Variants in PTPRD observed in about 807,000 individuals in gnomAD.
The protein encoded by PTPRD is receptor-type tyrosine-protein phosphatase delta.
In PTPRD, 34 loss-of-function variants were observed where a neutral mutation model predicts 214.5. The observed-to-expected ratio is 0.16, with a 90% CI of 0.12 to 0.21. The LOEUF (loss-of-function observed/expected upper bound fraction) is 0.21. Among genes scored for constraint, PTPRD ranks in the 10% least tolerant of loss-of-function variants. PTPRD has a pLI of 1.00. For missense variants in PTPRD, 2,545 were observed against 2,398.7 expected, an observed-to-expected ratio of 1.06 and a Z score of -1.27; for synonymous variants, 1,128 against 845.7, an observed-to-expected ratio of 1.33 and a Z score of -5.79.
chr9:10,201,213 G>C (rs886516385), intron 3 of PTPRD, among the ~76,000 whole-genome samples: 11 of 152,002 alleles, frequency 7.2e-5, no homozygotes, highest in Admixed American at 4.6e-4. Flanking sequence ...GGAACATTTT[G>C]AATGAACATA....
chr9:10,390,605 G>C (rs1013729219), intron 2 of PTPRD, among the ~76,000 whole-genome samples: 4 of 151,752 alleles, frequency 2.6e-5, no homozygotes, highest in Non-Finnish European at 4.4e-5. Context: ...AAATCTGGAA[G>C]AATGATAATG....
Position 9,768,208 on chromosome 9 carries a change from T to C in PTPRD, c.-367-1357A>G, listed in dbSNP as rs532707343. On this transcript the variant is annotated intron_variant, in intron 5 of 45. Transcript: ENST00000381196. ...CCTTGGATAGCTAATCAGCCAACGC[T>C]GTAGACTACTTACATACCCTCTCTG... Among the ~76,000 whole-genome samples the C allele has an allele frequency of 4.7e-4, 72 of 152,294 alleles. 1 individual carries two copies. In the South Asian group the frequency reaches 8.1e-3, roughly 17 times the overall value.
Position 10,554,805 on chromosome 9 carries a change from C to T in PTPRD, c.-600+57593G>A, listed in dbSNP as rs577633027. 2.6e-5 allele frequency among the ~76,000 whole-genome samples: 4 copies of T among 152,176 alleles called. No homozygotes were observed. In the South Asian group the frequency reaches 6.2e-4, roughly 24 times the overall value. The stretch of plus-strand genomic sequence containing the variant: ...CCTCCCGAGTAGCTGGGACTACAGG[C>T]GCCCGCCACCACGCCCGGCTAATTT... On this transcript the variant is annotated intron_variant, in intron 2 of 45. Transcript: ENST00000381196.
chr9:9,525,361 G>A (rs1471961090), intron 8 of PTPRD, among the ~76,000 whole-genome samples: 1 of 151,906 alleles, frequency 6.6e-6, no homozygotes, highest in African/African-American at 2.4e-5. Flanking sequence ...GATGATTAAC[G>A]CTTATTGTAT....
In PTPRD at chr9:8,752,816, C is replaced by T. The variant is rs544096385; in HGVS notation, c.-103-18870G>A. 4.6e-5 allele frequency among the ~76,000 whole-genome samples: 7 copies of T among 152,222 alleles called. No individual in the cohort carries two copies. The South Asian group carries it at 6.2e-4, about 14-fold the overall frequency. Reference sequence around the variant, plus strand: ...TAAGCTGGGCCACCAACAGCAGAACCACCAAGTTGAGCCCAGCTCAAACTG... The same window carrying T: ...TAAGCTGGGCCACCAACAGCAGAACTACCAAGTTGAGCCCAGCTCAAACTG... On this transcript the variant is annotated intron_variant, in intron 11 of 45. Coordinates refer to ENST00000381196, the MANE Select transcript of PTPRD (RefSeq NM_002839.4).
chr9:8,538,789 T>C (rs1293328635), intron 14 of PTPRD, among the ~76,000 whole-genome samples: 4 of 151,920 alleles, frequency 2.6e-5, no homozygotes, highest in Admixed American at 6.6e-5. Context: ...GGAGCAGTAA[T>C]ACCCAGTAGC....
chr9:9,940,527 C>T (rs564295452), intron 4 of PTPRD, among the ~76,000 whole-genome samples: 7 of 152,262 alleles, frequency 4.6e-5, no homozygotes, highest in Admixed American at 4.6e-4. Flanking sequence ...ATGTATAATT[C>T]TAGACCGATA....
At chr9:8,391,371 G>A (rs191092087) in intron 36 of PTPRD, among the ~76,000 whole-genome samples, 2 of 152,110 alleles carry the variant, frequency 1.3e-5, no homozygotes, top group Non-Finnish European at 2.9e-5. Flanking sequence ...TGAAATGCAT[G>A]GTTGGCTGTA....
chr9:9,437,427 AG>A (rs1164170714), intron 8 of PTPRD, among the ~76,000 whole-genome samples: 14 of 110,572 alleles, frequency 1.3e-4, no homozygotes, highest in African/African-American at 5.2e-4. Flanking sequence ...GCCCCCTGAG[AG>A]TAATGAGGTG....
At chr9:10,165,121 A>G (rs1016828941) in intron 3 of PTPRD, among the ~76,000 whole-genome samples, 1 of 151,780 alleles carries the variant, frequency 6.6e-6, no homozygotes, top group African/African-American at 2.4e-5. Context: ...AGCACAGTTC[A>G]GCAATCTCGA....
In PTPRD at chr9:10,380,329, A is replaced by G. The variant is rs1425338305; in HGVS notation, c.-599-39312T>C. On this transcript the variant is annotated intron_variant, in intron 2 of 45. Coordinates refer to ENST00000381196, the MANE Select transcript of PTPRD (RefSeq NM_002839.4). ...AATCAATGACCCATGAGAGCAAACC[A>G]TGTACAATGCATTATGGGTCAATAC... Among the ~76,000 whole-genome samples the G allele has an allele frequency of 2.0e-5, 3 of 152,218 alleles. No individual in the cohort carries two copies. The East Asian group carries it at 5.8e-4, about 30-fold the overall frequency.
At chr9:10,235,598 A>T (rs1314858203) in intron 3 of PTPRD, among the ~76,000 whole-genome samples, 1 of 151,986 alleles carries the variant, frequency 6.6e-6, no homozygotes, top group Non-Finnish European at 1.5e-5. Flanking sequence ...GCACAAAAGA[A>T]AACTGCCAAA....
At chr9:9,040,395 T>C (rs2099635937) in intron 10 of PTPRD, among the ~76,000 whole-genome samples, 1 of 152,214 alleles carries the variant, frequency 6.6e-6, no homozygotes, top group Non-Finnish European at 1.5e-5. Context: ...TGTTGTTCTT[T>C]AGTAAACATG....
chr9:9,055,342 T>C (rs980561464), intron 10 of PTPRD, among the ~76,000 whole-genome samples: 2 of 152,178 alleles, frequency 1.3e-5, no homozygotes, highest in Non-Finnish European at 2.9e-5. Flanking sequence ...AATGAATATG[T>C]TAATTAGTTA....
Position 8,812,928 on chromosome 9 carries a change from T to G in PTPRD, c.-103-78982A>C, listed in dbSNP as rs192759580. ...ATCTAATCTCTCCTGATGGAGTGACTAGCCCAGTAGATCAAGGGAAGAAGC... is the reference window on the plus strand; with the variant it reads ...ATCTAATCTCTCCTGATGGAGTGACGAGCCCAGTAGATCAAGGGAAGAAGC... On this transcript the variant is annotated intron_variant, in intron 11 of 45. Coordinates refer to ENST00000381196, the MANE Select transcript of PTPRD (RefSeq NM_002839.4). 7.0e-4 allele frequency among the ~76,000 whole-genome samples: 106 copies of G among 152,104 alleles called. No individual in the cohort carries two copies. In the East Asian group the frequency reaches 0.017, roughly 24 times the overall value.
intron 10 of PTPRD, among the ~76,000 whole-genome samples, chr9:9,130,214 T>C (rs943781364): frequency 2.6e-5 from 4 of 152,160 alleles, no homozygotes; most frequent in Non-Finnish European, 5.9e-5. Flanking sequence ...TAAGTCCAGA[T>C]CTTGAAATAT....
At chr9:9,654,860 C>A (rs1329389631) in intron 7 of PTPRD, among the ~76,000 whole-genome samples, 1 of 151,912 alleles carries the variant, frequency 6.6e-6, no homozygotes, top group African/African-American at 2.4e-5. Context: ...ATTAAAAGCC[C>A]AAGATAAAAT....
At chr9:10,360,477 T>C (rs2097358374) in intron 2 of PTPRD, among the ~76,000 whole-genome samples, 1 of 152,368 alleles carries the variant, frequency 6.6e-6, no homozygotes, top group South Asian at 2.1e-4. Context: ...TTTTGTTCCC[T>C]CTATCATTCT....
At chr9:9,966,830 GA>G (rs2154032227) in intron 4 of PTPRD, among the ~76,000 whole-genome samples, 2 of 152,236 alleles carry the variant, frequency 1.3e-5, no homozygotes, top group African/African-American at 4.8e-5. Context: ...AGGAAGAGAA[GA>G]AAGAAAACTG....
Sources: gnomAD v4.1 joint callset for allele counts (sites outside exome capture counted in the v4.1 genomes callset) on GRCh38, gnomAD v4.1.1 for gene constraint, MANE v1.5 for transcripts, NCBI Gene and HGNC (gene_info 2026-07-23, HGNC 2026-07-21) for gene names.